MYO16: variants seen among roughly 807,000 people sequenced by gnomAD.
The protein encoded by MYO16 is unconventional myosin-XVI.
Under a neutral mutation model 205.3 loss-of-function variants are expected in MYO16, and 94 were observed. That is an observed-to-expected ratio of 0.46 (90% CI 0.39 to 0.54). The LOEUF (loss-of-function observed/expected upper bound fraction) is 0.54, where lower values mean the gene tolerates loss of function less well. Among genes scored for constraint, MYO16 ranks in the 20% least tolerant of loss-of-function variants. MYO16 has a pLI of 0.00. For synonymous variants in MYO16, 988 were observed against 954.0 expected (o/e 1.04, Z -0.66); for missense variants, 2,315 against 2,387.5 (o/e 0.97, Z 0.63).
chr13:109,024,532 G>T (rs1886298368), intron 23 of MYO16, among the ~76,000 whole-genome samples: 1 of 151,998 alleles, frequency 6.6e-6, no homozygotes, highest in East Asian at 1.9e-4. Flanking sequence ...AATATTTTTA[G>T]AAAATTTTTG....
chr13:109,021,910 A>G (rs1162429326), intron 23 of MYO16, among the ~76,000 whole-genome samples: 2 of 151,830 alleles, frequency 1.3e-5, no homozygotes, highest in Non-Finnish European at 1.5e-5. Flanking sequence ...AACCAAGAGA[A>G]ATGAAGAAAA....
At chr13:109,143,516 G>T (rs984371619) in intron 32 of MYO16, among the ~76,000 whole-genome samples, 1 of 152,152 alleles carries the variant, frequency 6.6e-6, no homozygotes, top group Admixed American at 6.5e-5. Context: ...AGAACTAAAA[G>T]TTTATTAAAA....
At chr13:109,090,033 G>T (rs989383145) in intron 27 of MYO16, among the ~76,000 whole-genome samples, 2 of 152,218 alleles carry the variant, frequency 1.3e-5, no homozygotes, top group East Asian at 3.9e-4. Context: ...TTGCAGCAAT[G>T]TGAAGTGTCA....
chr13:108,713,333 A>T (rs1883797640), intron 3 of MYO16, among the ~76,000 whole-genome samples: 1 of 152,192 alleles, frequency 6.6e-6, no homozygotes, highest in Non-Finnish European at 1.5e-5. Flanking sequence ...AATTTTGAAA[A>T]ATATAGAAAT....
intron 2 of MYO16, among the ~76,000 whole-genome samples, chr13:108,676,155 G>A (rs1882193150): frequency 6.6e-6 from 1 of 152,060 alleles, no homozygotes; most frequent in Non-Finnish European, 1.5e-5. Context: ...CATAGCTTTA[G>A]GAACGTTTTA....
intron 5 of MYO16, among the ~76,000 whole-genome samples, chr13:108,791,393 CAT>C (rs1273264995): frequency 6.6e-5 from 10 of 152,194 alleles, no homozygotes; most frequent in African/African-American, 1.4e-4. Flanking sequence ...ATGAAAAACA[CAT>C]GTTAGAAAGC....
chr13:109,045,989 T>TGC (rs1410567438), intron 23 of MYO16, among the ~76,000 whole-genome samples: 29 of 142,002 alleles, frequency 2.0e-4, no homozygotes, highest in African/African-American at 4.9e-4. Flanking sequence ...AGGAGGCAAA[T>TGC]TCTCCCTCAC....
intron 32 of MYO16, among the ~76,000 whole-genome samples, chr13:109,159,693 T>C (rs1878274766): frequency 6.6e-6 from 1 of 152,056 alleles, no homozygotes; most frequent in South Asian, 2.1e-4. Context: ...GGAACTGACC[T>C]GGCGAGGAAG....
Position 109,125,845 on chromosome 13 carries a change from C to T in MYO16, c.3782+487C>T, listed in dbSNP as rs748217820. ...TTATATATCCCTGTGTAAACTGTCACGTCTCTCTTTACCAATAAAGCAAGC... is the reference window on the plus strand; with the variant it reads ...TTATATATCCCTGTGTAAACTGTCATGTCTCTCTTTACCAATAAAGCAAGC... On this transcript the variant is annotated intron_variant, in intron 30 of 34. Transcript: ENST00000457511. The surrounding 1 kb of genome is among the most constrained non-coding windows in gnomAD (Gnocchi z 4.0). Among the ~76,000 whole-genome samples the T allele has an allele frequency of 2.0e-5, 3 of 152,162 alleles. No individual in the cohort carries two copies. The highest frequency in any genetic ancestry group is 6.5e-5 in the Admixed American group (1 of 15,278).
In MYO16 at chr13:108,644,666, T is replaced by A. The variant is rs78610112; in HGVS notation, c.28+14794T>A. Among the ~76,000 whole-genome samples the A allele has an allele frequency of 1.5e-3, 222 of 152,302 alleles. 5 individuals carry two copies. The East Asian group carries it at 0.04, about 27-fold the overall frequency. On this transcript the variant is annotated intron_variant, in intron 1 of 34. Coordinates refer to ENST00000457511, the MANE Select transcript of MYO16 (RefSeq NM_001198950.3). Reference sequence around the variant, plus strand: ...TTTAACATCTTTTTTTTTCTCATTTTCTTATCTAACATTCCCTTATCTTCA... The same window carrying A: ...TTTAACATCTTTTTTTTTCTCATTTACTTATCTAACATTCCCTTATCTTCA...
At chr13:109,078,161 G>T (rs1888170131) in intron 27 of MYO16, among the ~76,000 whole-genome samples, 1 of 151,802 alleles carries the variant, frequency 6.6e-6, no homozygotes, top group African/African-American at 2.4e-5. Context: ...TAGGTGCAGT[G>T]GCTCACGCCT....
rs577025691 is a variant in MYO16, at chr13:108,599,411, C to T, written c.-39+3172C>T. Among the ~76,000 whole-genome samples, 13 of 151,826 alleles carry T rather than the reference C, an allele frequency of 8.6e-5. No individual in the cohort carries two copies. In the East Asian group the frequency reaches 1.2e-3, roughly 14 times the overall value. ...TTCTAGTTCTAGATCCCTGAGGAAT[C>T]GCCACACTGACTTCCACAATGGTTG... On this transcript the variant is annotated intron_variant, in intron 1 of 24. Coordinates refer to the MYO16 transcript ENST00000251041.
chr13:108,774,131 A>C (rs904798647), intron 4 of MYO16, among the ~76,000 whole-genome samples: 5 of 152,124 alleles, frequency 3.3e-5, no homozygotes, highest in Non-Finnish European at 7.4e-5. Context: ...ATAAAATAAA[A>C]TGTGAGTATT....
At chr13:108,553,978 G>A in the MYO16 span, among the ~76,000 whole-genome samples, 8 of 152,158 alleles carry the variant, frequency 5.3e-5, no homozygotes, top group Admixed American at 4.6e-4. Context: ...AAGGCAGGAC[G>A]CATCCTCACC....
chr13:109,019,678 C>T (rs1489869205), intron 22 of MYO16, 33 bp from the exon 23 acceptor site: 4 of 1,548,594 alleles, frequency 2.6e-6, no homozygotes, highest in Non-Finnish European at 8.9e-7. Context: ...AAGTAATAGA[C>T]AAAACAACTC....
At chr13:108,982,657 T>G (rs1884485093) in intron 20 of MYO16, among the ~76,000 whole-genome samples, 1 of 152,182 alleles carries the variant, frequency 6.6e-6, no homozygotes, top group Admixed American at 6.5e-5. Context: ...CTGAGCCTAC[T>G]ACTTAACATT....
rs768643104 is a variant in MYO16, at chr13:108,962,447, A to G, written c.2179A>G (p.Thr727Ala). The stretch of plus-strand genomic sequence containing the variant: ...AGTGGCTGGAATGTTACAAGTATCA[A>G]CAGATGAATTGGCATCTGCCTTAAC... ...EQVAGMLQVS[T>A]DELASALTTD... Residue 727 changes from threonine to alanine, a missense_variant, in exon 19 of 35, where the codon ACA becomes GCA. Physicochemically the swap from Thr to Ala is moderately conservative, Grantham distance 58. Coordinates refer to ENST00000457511, the MANE Select transcript of MYO16 (RefSeq NM_001198950.3). 3.1e-6 allele frequency: 5 copies of G among 1,602,440 alleles called. No individual in the cohort carries two copies. The highest frequency in any genetic ancestry group is 4.2e-6 in the Non-Finnish European group (5 of 1,176,786).
At chr13:108,990,167 C>CAG (rs1244198884) in intron 20 of MYO16, among the ~76,000 whole-genome samples, 1 of 151,692 alleles carries the variant, frequency 6.6e-6, no homozygotes, top group Non-Finnish European at 1.5e-5. Flanking sequence ...CACACACACA[C>CAG]ACACACACAC....
At chr13:108,652,148 TGTGTGTGCGCGCGCGCGC>T (rs1566529582) in intron 1 of MYO16, among the ~76,000 whole-genome samples, 83 of 148,206 alleles carry the variant, frequency 5.6e-4, no homozygotes, top group African/African-American at 2.0e-3. Context: ...CCAATGTGTG[TGTGTGTGCGCGCGCGCGC>T]ATGTGTGCGC....
Sources: gnomAD v4.1 joint callset for allele counts (sites outside exome capture counted in the v4.1 genomes callset) on GRCh38, gnomAD v4.1.1 for gene constraint, Gnocchi (gnomAD v3.1) non-coding constraint, MANE v1.5 for transcripts, NCBI Gene and HGNC (gene_info 2026-07-23, HGNC 2026-07-21) for gene names.